Variants in NAV1 observed in about 807,000 individuals in gnomAD.
NAV1 encodes the protein pore membrane and/or filament interacting like protein 3.
In NAV1, 18 loss-of-function variants were observed where a neutral mutation model predicts 175.2. The observed-to-expected ratio is 0.10, with a 90% CI of 0.07 to 0.15. The LOEUF is 0.15. Ranked by LOEUF, NAV1 falls within the 10% of genes least tolerant of loss-of-function variation. NAV1 has a pLI of 1.00. For missense variants in NAV1, 1,731 were observed against 2,436.6 expected, an observed-to-expected ratio of 0.71 and a Z score of 6.10; for synonymous variants, 897 against 978.7, an observed-to-expected ratio of 0.92 and a Z score of 1.56.
rs770728094 is a variant in NAV1 at position 201,712,797 on chromosome 1, C to A, written c.758-20C>A. 7 of 1,569,364 alleles carry A rather than the reference C, an allele frequency of 4.5e-6. No individual in the cohort carries two copies. The South Asian group carries it at 7.8e-5, about 17-fold the overall frequency. On this transcript the variant is annotated intron_variant, in intron 1 of 29. Transcript: ENST00000367296. Reference sequence around the variant, plus strand: ...TTAAGTTCTCTTCACTCACCCAGCTCTTCCTTCTCTCCCTACCAGACCCAG... The same window carrying A: ...TTAAGTTCTCTTCACTCACCCAGCTATTCCTTCTCTCCCTACCAGACCCAG...
intron 1 of NAV1, among the ~76,000 whole-genome samples, chr1:201,682,639 G>A (rs1050922467): frequency 6.6e-6 from 1 of 151,888 alleles, no homozygotes; most frequent in Non-Finnish European, 1.5e-5. Flanking sequence ...CAGAACCTAC[G>A]TGCTATGAAA....
intron 1 of NAV1, among the ~76,000 whole-genome samples, chr1:201,685,655 G>A (rs1670657271): frequency 6.6e-6 from 1 of 152,218 alleles, no homozygotes. Flanking sequence ...TGGCCCAGCA[G>A]CCAGTACATT....
chr1:201,565,251 A>G (rs1390055303), intron 1 of NAV1, among the ~76,000 whole-genome samples: 1 of 152,274 alleles, frequency 6.6e-6, no homozygotes, highest in Non-Finnish European at 1.5e-5. Flanking sequence ...ATATTTAGCT[A>G]CTGCTATCAT....
intron 2 of NAV1, among the ~76,000 whole-genome samples, chr1:201,613,287 C>A (rs1667907248): frequency 6.6e-6 from 1 of 152,102 alleles, no homozygotes; most frequent in African/African-American, 2.4e-5. Context: ...AATTTGGTTA[C>A]CCTCTCCCCG....
At chr1:201,760,399 A>G (rs1352691172) in intron 3 of NAV1, among the ~76,000 whole-genome samples, 1 of 152,280 alleles carries the variant, frequency 6.6e-6, no homozygotes, top group Non-Finnish European at 1.5e-5. Flanking sequence ...TTAAAAGTTT[A>G]TATAACCTGG....
rs553060751 is a variant in NAV1, at chr1:201,781,831, C to T, written c.1664-345C>T. Among the ~76,000 whole-genome samples the T allele has an allele frequency of 2.6e-5, 4 of 152,284 alleles. No individual in the cohort carries two copies. In the South Asian group the frequency reaches 6.2e-4, roughly 24 times the overall value. On this transcript the variant is annotated intron_variant, in intron 5 of 29. Transcript: ENST00000367296. ...CTAATTACTAAGAGATATTGTCATA[C>T]TCTATTCCATTTGCTTCCCCACCTT...
intron 1 of NAV1, among the ~76,000 whole-genome samples, chr1:201,545,439 G>T (rs1274516994): frequency 6.6e-6 from 1 of 150,872 alleles, no homozygotes; most frequent in Admixed American, 6.6e-5. Context: ...TGTCACCCAG[G>T]CATGTAGCTT....
At chr1:201,700,852 A>G (rs551418566) in intron 1 of NAV1, among the ~76,000 whole-genome samples, 174 of 152,014 alleles carry the variant, frequency 1.1e-3, no homozygotes, top group African/African-American at 3.8e-3. Flanking sequence ...TCTAATAAAA[A>G]TACAAAAAAT....
chr1:201,649,559 T>C, intron 1 of NAV1, 134 bp downstream of exon 5: 1 of 1,380,714 alleles, frequency 7.2e-7, no homozygotes, highest in East Asian at 2.5e-5. Context: ...CAGGCTGTGA[T>C]GGGCATTGCG....
chr1:201,756,811 T>C (rs1241025201), intron 3 of NAV1, among the ~76,000 whole-genome samples: 1 of 1,634 alleles, frequency 6.1e-4, no homozygotes, highest in Non-Finnish European at 3.3e-3. Context: ...TTTCTTTCCT[T>C]CTTTCTTTCT....
At chr1:201,689,271 A>G (rs1156830608) in intron 1 of NAV1, among the ~76,000 whole-genome samples, 2 of 152,242 alleles carry the variant, frequency 1.3e-5, no homozygotes, top group Non-Finnish European at 2.9e-5. Context: ...TACGAATCCA[A>G]TTATGAATCC....
rs1368718723 is a variant in NAV1, at chr1:201,810,914, C to T, written c.4797+156C>T. ...TTCATTTCCTTCCCTCTCTATCTAT[C>T]CCCTTTTCCAGTCTTCTCCTTTCCC... On this transcript the variant is annotated intron_variant, in intron 24 of 29. Coordinates refer to ENST00000367296, the Ensembl canonical transcript of NAV1. This position sits in a 1 kb window ranked among gnomAD's most constrained non-coding sequence, Gnocchi z 6.0. Among the ~76,000 whole-genome samples, 1 of 152,088 alleles carries T rather than the reference C, an allele frequency of 6.6e-6. No individual in the cohort carries two copies. Among genetic ancestry groups the T allele is most frequent in the Non-Finnish European group, 1.5e-5 (1 of 68,010 alleles).
chr1:201,696,826 A>G (rs1456161494), intron 1 of NAV1, among the ~76,000 whole-genome samples: 1 of 152,210 alleles, frequency 6.6e-6, no homozygotes. Context: ...CCAAACATCT[A>G]TAAAATCGGA....
intron 3 of NAV1, among the ~76,000 whole-genome samples, chr1:201,769,808 G>A (rs1054430174): frequency 3.3e-5 from 5 of 152,266 alleles, no homozygotes; most frequent in African/African-American, 7.2e-5. Flanking sequence ...CTATTGTACC[G>A]CAGATATTTC....
intron 1 of NAV1, among the ~76,000 whole-genome samples, chr1:201,695,477 G>A (rs972054648): frequency 6.6e-6 from 1 of 152,236 alleles, no homozygotes; most frequent in African/African-American, 2.4e-5. Context: ...GGAAAAGGGG[G>A]TATGGGGAAG....
intron 2 of NAV1, among the ~76,000 whole-genome samples, chr1:201,604,871 A>G (rs1243893622): frequency 1.3e-5 from 2 of 152,128 alleles, no homozygotes; most frequent in Non-Finnish European, 2.9e-5. Context: ...GGTGGAGTGA[A>G]GGTTCAAACC....
intron 3 of NAV1, among the ~76,000 whole-genome samples, chr1:201,726,410 G>A (rs949945290): frequency 6.6e-5 from 10 of 152,092 alleles, no homozygotes; most frequent in African/African-American, 1.2e-4. Context: ...TTGGGAGGCC[G>A]AGGTGGGTAG....
intron 3 of NAV1, among the ~76,000 whole-genome samples, chr1:201,745,506 G>T (rs1673712118): frequency 6.6e-6 from 1 of 152,212 alleles, no homozygotes; most frequent in African/African-American, 2.4e-5. Context: ...ACTGAGCTGG[G>T]TGCTTTACAG....
chr1:201,689,850 T>C (rs565992576), intron 1 of NAV1, among the ~76,000 whole-genome samples: 1 of 152,298 alleles, frequency 6.6e-6, no homozygotes, highest in East Asian at 1.9e-4. Flanking sequence ...GAGATTCTGC[T>C]CCCCAGAGTG....
Sources: gnomAD v4.1 joint callset for allele counts (sites outside exome capture counted in the v4.1 genomes callset) on GRCh38, gnomAD v4.1.1 for gene constraint, Gnocchi (gnomAD v3.1) non-coding constraint, MANE v1.5 for transcripts, NCBI Gene and HGNC (gene_info 2026-07-23, HGNC 2026-07-21) for gene names.